Variants in CNTFR observed in about 807,000 individuals in gnomAD.
CNTFR encodes ciliary neurotrophic factor receptor subunit alpha.
A neutral mutation model predicts 40.4 loss-of-function variants in CNTFR; 12 were observed. The ratio of observed to expected loss-of-function variants is 0.30; its 90% CI spans 0.19 to 0.48. CNTFR has a LOEUF of 0.48. Among genes scored for constraint, CNTFR ranks in the 20% least tolerant of loss-of-function variants. The pLI is 0.99. For synonymous variants in CNTFR, 202 were observed against 209.6 expected (o/e 0.96, Z 0.31); for missense variants, 414 against 506.8 (o/e 0.82, Z 1.76).
In CNTFR at chr9:34,557,201, GT is replaced by G; in HGVS notation, c.604+324del. On this transcript the variant is annotated intron_variant, in intron 6 of 9. Transcript: ENST00000378980. This position sits in a 1 kb window ranked among gnomAD's most constrained non-coding sequence, Gnocchi z 4.2. ...AGGAAGCCATTAGAGTTGGGGGGGGGTGCGGTGGAGGCTGCAGCTGCACAAG... is the reference window on the plus strand; with the variant it reads ...AGGAAGCCATTAGAGTTGGGGGGGGGGCGGTGGAGGCTGCAGCTGCACAAG... Among the ~76,000 whole-genome samples the G allele has an allele frequency of 2.7e-5, 4 of 150,388 alleles. No individual in the cohort carries two copies. Among genetic ancestry groups the G allele is most frequent in the African/African-American group, 9.7e-5 (4 of 41,092 alleles).
At chr9:34,562,046 C>T (rs533721814) in intron 4 of CNTFR, among the ~76,000 whole-genome samples, 1 of 152,280 alleles carries the variant, frequency 6.6e-6, no homozygotes, top group South Asian at 2.1e-4. Flanking sequence ...GACCCAATTC[C>T]CCTCCAACGA....
At chr9:34,569,431 G>T (rs1332678338) in intron 2 of CNTFR, 1 of 166,808 alleles carries the variant, frequency 6.0e-6, no homozygotes, top group East Asian at 1.7e-4. Flanking sequence ...AACTTTACTG[G>T]TGAGGTTAGC....
intron 1 of CNTFR, among the ~76,000 whole-genome samples, chr9:34,583,565 C>T (rs929171424): frequency 2.0e-5 from 3 of 152,186 alleles, no homozygotes; most frequent in African/African-American, 4.8e-5. Context: ...GGTGGCTCCG[C>T]CTGCCAATTC....
rs764924216 is a variant in CNTFR at position 34,552,068 on chromosome 9, G to A, written c.*3C>T. 1 of 1,514,050 alleles carries A rather than the reference G, an allele frequency of 6.6e-7. No homozygotes were observed. The highest frequency in any genetic ancestry group is 1.1e-5 in the South Asian group (1 of 87,086). The allele number at this position is 1,514,050 out of a possible 1,614,324, so 93.8% of individuals were successfully genotyped here. A position where few individuals can be genotyped will look rare whatever the true frequency, so the allele number is the denominator to read the frequency against. On this transcript the variant is annotated 3_prime_UTR_variant, in exon 10 of 10. Coordinates refer to ENST00000378980, the MANE Select transcript of CNTFR (RefSeq NM_147164.3). This position sits in a 1 kb window ranked among gnomAD's most constrained non-coding sequence, Gnocchi z 5.1. Reference sequence around the variant, plus strand: ...CTCTGCATGTCCTCATGGGGTGCCGGGCTCTGTAGAGACAGGCAGGGGCCT... The same window carrying A: ...CTCTGCATGTCCTCATGGGGTGCCGAGCTCTGTAGAGACAGGCAGGGGCCT...
At position 34,552,890 on chromosome 9, in the gene CNTFR, C is replaced by T. The variant is rs539289785; in HGVS notation, c.769-36G>A. On this transcript the variant is annotated intron_variant, in intron 7 of 9. Coordinates refer to ENST00000378980, the MANE Select transcript of CNTFR (RefSeq NM_147164.3). This position sits in a 1 kb window ranked among gnomAD's most constrained non-coding sequence, Gnocchi z 5.1. ...ACCATGGGGTGGGGGTAAGGACACA[C>T]CTGGGGGCCAGGAGGGTGAGGTCCC... is the stretch of plus-strand genomic sequence containing the variant. 2.7e-5 allele frequency: 43 copies of T among 1,597,810 alleles called. No individual in the cohort carries two copies. The highest frequency in any genetic ancestry group is 3.7e-5 in the Non-Finnish European group (43 of 1,177,082).
intron 1 of CNTFR, among the ~76,000 whole-genome samples, chr9:34,583,281 C>G (rs1369291558): frequency 6.6e-6 from 1 of 152,232 alleles, no homozygotes; most frequent in East Asian, 1.9e-4. Context: ...AGTCGTCTTA[C>G]TTAGGTCTCA....
chr9:34,561,030 G>A (rs920082344), intron 4 of CNTFR, among the ~76,000 whole-genome samples: 8 of 152,176 alleles, frequency 5.3e-5, no homozygotes, highest in Non-Finnish European at 1.2e-4. Context: ...AGATCAGGCA[G>A]GGTGGGGCAG....
chr9:34,553,822 C>T (rs1028799521), intron 7 of CNTFR, among the ~76,000 whole-genome samples: 7 of 152,340 alleles, frequency 4.6e-5, no homozygotes, highest in Middle Eastern at 3.4e-3. Flanking sequence ...CTCATTAAGC[C>T]GCCTCGTAAA....
At chr9:34,554,853 T>G (rs2132119747) in intron 7 of CNTFR, among the ~76,000 whole-genome samples, 1 of 152,296 alleles carries the variant, frequency 6.6e-6, no homozygotes, top group Non-Finnish European at 1.5e-5. Flanking sequence ...AAAAGAACCA[T>G]AAATCTAACC....
chr9:34,579,687 T>G (rs1827189758), intron 2 of CNTFR, among the ~76,000 whole-genome samples: 1 of 152,100 alleles, frequency 6.6e-6, no homozygotes, highest in Middle Eastern at 3.4e-3. Context: ...AAAGGAACCA[T>G]GGGCAGCAGG....
intron 4 of CNTFR, among the ~76,000 whole-genome samples, chr9:34,558,517 C>T (rs564258020): frequency 6.6e-6 from 1 of 152,272 alleles, no homozygotes; most frequent in East Asian, 1.9e-4. Context: ...TGTTTGTATG[C>T]GTATCTGTGT....
At chr9:34,564,563 G>A in intron 4 of CNTFR, 36 bp downstream of exon 4, 2 of 1,554,578 alleles carry the variant, frequency 1.3e-6, no homozygotes, top group Non-Finnish European at 1.8e-6. Flanking sequence ...CTCAAGGAAG[G>A]AGGGAGGCTG....
In CNTFR at chr9:34,552,858, C is replaced by T; in HGVS notation, c.769-4G>A. ...CTGTGCCGTCGGACAGCTCCACCTGCAGCCAGACCATGGGGTGGGGGTAAG... is the reference window on the plus strand; with the variant it reads ...CTGTGCCGTCGGACAGCTCCACCTGTAGCCAGACCATGGGGTGGGGGTAAG... On this transcript the variant is annotated splice_polypyrimidine_tract_variant and splice_region_variant and intron_variant, in intron 7 of 9. Coordinates refer to ENST00000378980, the MANE Select transcript of CNTFR (RefSeq NM_147164.3). This position sits in a 1 kb window ranked among gnomAD's most constrained non-coding sequence, Gnocchi z 5.1. 4 of 1,609,270 alleles carry T rather than the reference C, an allele frequency of 2.5e-6. No homozygotes were observed. Among genetic ancestry groups the T allele is most frequent in the Non-Finnish European group, 3.4e-6 (4 of 1,179,568 alleles).
chr9:34,564,497 C>G, intron 4 of CNTFR, 102 bp downstream of exon 4: 1 of 1,099,650 alleles, frequency 9.1e-7, no homozygotes, highest in Non-Finnish European at 1.3e-6. Context: ...TGCAGCTCTC[C>G]CCTCTCCATG....
intron 2 of CNTFR, among the ~76,000 whole-genome samples, chr9:34,580,541 C>T (rs1827234100): frequency 6.6e-6 from 1 of 152,202 alleles, no homozygotes; most frequent in Non-Finnish European, 1.5e-5. Flanking sequence ...CCTTTGTGGG[C>T]CTCTGGCGGG....
Position 34,564,449 on chromosome 9 carries a change from G to T in CNTFR, c.319+150C>A, listed in dbSNP as rs528146215. ...GTAAGACTGGGCTCAGAGGCCAGAA[G>T]AGCGGGCCAGGACAAAATCAGAGGG... On this transcript the variant is annotated intron_variant, in intron 4 of 9. Coordinates refer to ENST00000378980, the MANE Select transcript of CNTFR (RefSeq NM_147164.3). 9 of 754,134 alleles carry T rather than the reference G, an allele frequency of 1.2e-5. No individual in the cohort carries two copies. In the African/African-American group the frequency reaches 1.4e-4, roughly 12 times the overall value. 46.7% of individuals were successfully genotyped at this position (754,134 alleles called of 1,614,324 possible). A position where few individuals can be genotyped will look rare whatever the true frequency, so the allele number is the denominator to read the frequency against.
intron 1 of CNTFR, among the ~76,000 whole-genome samples, chr9:34,587,770 G>A (rs940827257): frequency 6.6e-6 from 1 of 152,128 alleles, no homozygotes; most frequent in Non-Finnish European, 1.5e-5. Flanking sequence ...CCCAGTGTGA[G>A]CCCTAGGACC....
chr9:34,579,293 T>TCCCTCCTCC (rs1251440200), intron 2 of CNTFR, among the ~76,000 whole-genome samples: 4 of 151,754 alleles, frequency 2.6e-5, no homozygotes, highest in East Asian at 1.9e-4. Context: ...CGCCCGCCGC[T>TCCCTCCTCC]CCCTCCTCCC....
At chr9:34,588,211 T>C (rs1827621615) in intron 1 of CNTFR, among the ~76,000 whole-genome samples, 1 of 152,138 alleles carries the variant, frequency 6.6e-6, no homozygotes, top group African/African-American at 2.4e-5. Context: ...GTTGTGACAG[T>C]GGAGACAGAG....
Sources: gnomAD v4.1 joint callset for allele counts (sites outside exome capture counted in the v4.1 genomes callset) on GRCh38, gnomAD v4.1.1 for gene constraint, Gnocchi (gnomAD v3.1) non-coding constraint, MANE v1.5 for transcripts, NCBI Gene and HGNC (gene_info 2026-07-23, HGNC 2026-07-21) for gene names.